The following IMPG1 variants were observed in gnomAD, a reference collection of about 807,000 sequenced individuals.
The protein encoded by IMPG1 is interphotoreceptor matrix proteoglycan 1.
Under a neutral mutation model 92.0 loss-of-function variants are expected in IMPG1, and 85 were observed. The ratio of observed to expected loss-of-function variants is 0.92; its 90% confidence interval spans 0.78 to 1.11. IMPG1 has a LOEUF of 1.11. Among genes scored for constraint, IMPG1 ranks in the 50% least tolerant of loss-of-function variants. The pLI is 0.00. For missense variants in IMPG1, 1,022 were observed against 956.0 expected (o/e 1.07, Z -0.91); for synonymous variants, 367 against 334.1 (o/e 1.10, Z -1.08).
chr6:75,950,872 T>TCATCTGATCTG lies in IMPG1; in HGVS notation c.1513_1514insCAGATCAGATG (p.Asp505AlafsTer19), dbSNP rs1323803461. On this transcript the variant is annotated frameshift_variant, in exon 13 of 17. Coordinates refer to ENST00000369950, the MANE Select transcript of IMPG1 (RefSeq NM_001563.4). LOFTEE classifies it high-confidence loss of function. Reference sequence around the variant, plus strand: ...TTCGCCACCTGCACTTGATCGGCTGTCATCTGAAGATGCAGGTGGATGTGA... The same window carrying TCATCTGATCTG: ...TTCGCCACCTGCACTTGATCGGCTGTCATCTGATCTGCATCTGAAGATGCAGGTGGATGTGA... 14 of 1,613,554 alleles carry TCATCTGATCTG rather than the reference T, an allele frequency of 8.7e-6. No homozygotes were observed. The highest frequency in any genetic ancestry group is 1.1e-5 in the Non-Finnish European group (13 of 1,179,894).
chr6:76,044,757 T>A (rs528600202), intron 1 of IMPG1, among the ~76,000 whole-genome samples: 1 of 152,246 alleles, frequency 6.6e-6, no homozygotes, highest in East Asian at 1.9e-4. Flanking sequence ...TAACTTGACT[T>A]GGGAAGAGTA....
chr6:76,066,181 G>A (rs1784307437), intron 1 of IMPG1, among the ~76,000 whole-genome samples: 1 of 151,952 alleles, frequency 6.6e-6, no homozygotes, highest in Admixed American at 6.6e-5. Context: ...AAGCAATTAG[G>A]TAACAGTTAA....
At chr6:75,986,026 A>G (rs182696115) in intron 12 of IMPG1, among the ~76,000 whole-genome samples, 83 of 152,346 alleles carry the variant, frequency 5.4e-4, no homozygotes, top group African/African-American at 1.9e-3. Flanking sequence ...TGCTCCTGTC[A>G]CAAAATAGTG....
At chr6:76,068,874 T>C (rs942676919) in intron 1 of IMPG1, among the ~76,000 whole-genome samples, 1 of 151,980 alleles carries the variant, frequency 6.6e-6, no homozygotes, top group Non-Finnish European at 1.5e-5. Flanking sequence ...AAAATATCAA[T>C]GCTATTTTTC....
intron 12 of IMPG1, among the ~76,000 whole-genome samples, chr6:75,954,552 A>T (rs1433720182): frequency 6.6e-6 from 1 of 152,072 alleles, no homozygotes; most frequent in African/African-American, 2.4e-5. Context: ...ATTTTTTCCC[A>T]TTCTATAGGT....
intron 15 of IMPG1, among the ~76,000 whole-genome samples, chr6:75,924,104 C>CTTTATGCCCT (rs1429320670): frequency 4.6e-5 from 7 of 151,608 alleles, no homozygotes; most frequent in African/African-American, 1.7e-4. Flanking sequence ...CAAATGTTAT[C>CTTTATGCCCT]GAGGATGTGG....
chr6:76,009,807 T>C (rs1010132608), intron 8 of IMPG1, among the ~76,000 whole-genome samples: 30 of 152,252 alleles, frequency 2.0e-4, no homozygotes, highest in African/African-American at 7.0e-4. Flanking sequence ...AACCTTTGTT[T>C]TTCATTTATT....
chr6:76,009,072 G>A (rs2149479037), intron 8 of IMPG1, among the ~76,000 whole-genome samples: 1 of 152,286 alleles, frequency 6.6e-6, no homozygotes, highest in South Asian at 2.1e-4. Flanking sequence ...TTGAGAAGTT[G>A]TTTATGGCAA....
chr6:76,001,230 G>A (rs2149476329), intron 12 of IMPG1, among the ~76,000 whole-genome samples: 1 of 152,316 alleles, frequency 6.6e-6, no homozygotes, highest in Middle Eastern at 3.4e-3. Context: ...TACCTGAAAT[G>A]CTAATCTTAT....
intron 4 of IMPG1, among the ~76,000 whole-genome samples, chr6:76,027,654 A>G (rs1260474515): frequency 1.3e-5 from 2 of 152,220 alleles, no homozygotes; most frequent in East Asian, 3.8e-4. Context: ...CTTTGTGTGA[A>G]CATATTGACT....
chr6:76,024,978 A>T (rs112228277), intron 5 of IMPG1: 3 of 599,764 alleles, frequency 5.0e-6, no homozygotes, highest in African/African-American at 3.7e-5. Flanking sequence ...CCAAACTGTA[A>T]GATATTGAAT....
intron 15 of IMPG1, among the ~76,000 whole-genome samples, chr6:75,929,754 T>TA (rs199686984): frequency 7.0e-4 from 104 of 147,826 alleles, no homozygotes; most frequent in African/African-American, 1.8e-3. Context: ...TAAAGTAAAT[T>TA]AAAAAAAAAA....
chr6:75,982,782 T>C (rs2149470191), intron 12 of IMPG1, among the ~76,000 whole-genome samples: 1 of 152,200 alleles, frequency 6.6e-6, no homozygotes, highest in South Asian at 2.1e-4. Context: ...TTGAGGAGGT[T>C]CACATTTTGT....
At position 75,941,361 on chromosome 6, in the gene IMPG1, G is replaced by A. The variant is rs149584424; in HGVS notation, c.2044+5953C>T. On this transcript the variant is annotated intron_variant, in intron 14 of 16. Coordinates refer to ENST00000369950, the MANE Select transcript of IMPG1 (RefSeq NM_001563.4). ...GGAAATAAGGAGAAAAGTTGACTGT[G>A]TGACCTTCAATGTTATATTAGAATA... Among the ~76,000 whole-genome samples, 494 of 152,330 alleles carry A rather than the reference G, an allele frequency of 3.2e-3. 2 individuals carry two copies. Among genetic ancestry groups the A allele is most frequent in the African/African-American group, 0.011 (458 of 41,570 alleles).
At chr6:75,997,472 C>A (rs1782922220) in intron 12 of IMPG1, among the ~76,000 whole-genome samples, 1 of 152,212 alleles carries the variant, frequency 6.6e-6, no homozygotes, top group Admixed American at 6.5e-5. Flanking sequence ...CTGCAAATTT[C>A]TTTCCCTGCA....
intron 14 of IMPG1, among the ~76,000 whole-genome samples, chr6:75,936,668 C>T (rs1455657842): frequency 6.6e-6 from 1 of 152,200 alleles, no homozygotes; most frequent in Non-Finnish European, 1.5e-5. Flanking sequence ...TACCCACACA[C>T]ATCTTGCCCT....
At chr6:76,011,351 CT>C in intron 7 of IMPG1, 127 bp from the exon 8 acceptor site, 1 of 503,526 alleles carries the variant, frequency 2.0e-6, no homozygotes, top group Non-Finnish European at 3.6e-6. Flanking sequence ...ATTATTTTTT[CT>C]TTTAAAAAAA....
intron 12 of IMPG1, among the ~76,000 whole-genome samples, chr6:75,972,939 C>T (rs924593913): frequency 4.6e-5 from 7 of 152,092 alleles, no homozygotes; most frequent in African/African-American, 1.4e-4. Context: ...TATAGAGAAT[C>T]AGTGGAATCA....
At chr6:76,029,883 T>G (rs1783624436) in intron 4 of IMPG1, among the ~76,000 whole-genome samples, 1 of 152,134 alleles carries the variant, frequency 6.6e-6, no homozygotes, top group Non-Finnish European at 1.5e-5. Context: ...CTTCCACAGT[T>G]TCACCTTAGC....
Sources: gnomAD v4.1 joint callset for allele counts (sites outside exome capture counted in the v4.1 genomes callset) on GRCh38, gnomAD v4.1.1 for gene constraint, MANE v1.5 for transcripts, NCBI Gene and HGNC (gene_info 2026-07-23, HGNC 2026-07-21) for gene names.